The following ABCC11 variants were observed in gnomAD, a reference collection of about 807,000 sequenced individuals.
The protein encoded by ABCC11 is ATP binding cassette subfamily C member 11, also known as ATP-binding cassette sub-family C member 11.
ABCC11 carries 135 observed loss-of-function variants against 149.3 expected under a neutral mutation model. The observed-to-expected ratio is 0.90, with a 90% CI of 0.79 to 1.04. The LOEUF (loss-of-function observed/expected upper bound fraction) is 1.04, where lower values mean the gene tolerates loss of function less well. Among genes scored for constraint, ABCC11 ranks in the 50% least tolerant of loss-of-function variants. The pLI, the probability that ABCC11 is intolerant of heterozygous loss-of-function variation, is 0.00. For missense variants in ABCC11, 1,680 were observed against 1,722.1 expected (o/e 0.98, Z 0.43); for synonymous variants, 665 against 671.4 (o/e 0.99, Z 0.15).
chr16:48,175,817 CG>C lies in ABCC11; in HGVS notation c.3539-401del, dbSNP rs553100734. On this transcript the variant is annotated intron_variant, in intron 25 of 29. Transcript: ENST00000356608. The stretch of plus-strand genomic sequence containing the variant: ...CCCATATCCCCCCCAGGCAACAGCT[CG>C]GCTGGAGCTGAGCGCAGCCACTTGG... Among the ~76,000 whole-genome samples, 20 of 151,392 alleles carry C rather than the reference CG, an allele frequency of 1.3e-4. 1 individual carries two copies. In the South Asian group the frequency reaches 3.6e-3, roughly 27 times the overall value.
At chr16:48,192,219 G>A (rs1360198985) in intron 20 of ABCC11, among the ~76,000 whole-genome samples, 1 of 152,108 alleles carries the variant, frequency 6.6e-6, no homozygotes, top group Non-Finnish European at 1.5e-5. Context: ...CGAGGTGGAT[G>A]GATCACTGGA....
In ABCC11 at chr16:48,167,176, A is replaced by C; in HGVS notation, c.*98T>G. ...ACCCCTGCTTCCAGGAGAAGTTCTC[A>C]TCTCCAAACAAGAAGGTCGCAGACT... On this transcript the variant is annotated 3_prime_UTR_variant, in exon 30 of 30. Transcript: ENST00000356608. The C allele has an allele frequency of 2.1e-4, 106 of 510,332 alleles. No homozygotes were observed. Among genetic ancestry groups the C allele is most frequent in the East Asian group, 3.8e-4 (9 of 23,990 alleles). 31.6% of individuals were successfully genotyped at this position (510,332 alleles called of 1,614,324 possible). A position where few individuals can be genotyped will look rare whatever the true frequency, so the allele number is the denominator to read the frequency against.
intron 1 of ABCC11, chr16:48,244,134 C>G (rs549566544): frequency 1.2e-5 from 5 of 419,474 alleles, no homozygotes; most frequent in Non-Finnish European, 2.1e-5. Context: ...TCCAAATATA[C>G]TCTGTAAGTG....
In ABCC11 at chr16:48,229,620, G is replaced by A. The variant is rs1377207413; in HGVS notation, c.236+817C>T. Among the ~76,000 whole-genome samples the A allele has an allele frequency of 6.2e-4, 93 of 148,982 alleles. 2 individuals carry two copies. The highest frequency in any genetic ancestry group is 6.1e-3 in the Admixed American group (92 of 15,044). The stretch of plus-strand genomic sequence containing the variant: ...GCTGGGACTACAGGCGCCTGCCACC[G>A]CACCCGGCTAATTTTTTGTATTTTT... On this transcript the variant is annotated intron_variant, in intron 3 of 29. Coordinates refer to ENST00000356608, the MANE Select transcript of ABCC11 (RefSeq NM_001370497.1).
Position 48,186,810 on chromosome 16 carries a change from G to A in ABCC11, c.3071+143C>T, listed in dbSNP as rs141789603. 2,135 of 1,039,624 alleles carry A rather than the reference G, an allele frequency of 2.1e-3. 6 individuals are homozygous for A. Among genetic ancestry groups the A allele is most frequent in the Admixed American group, 4.9e-3 (182 of 37,216 alleles). 64.4% of individuals were successfully genotyped at this position (1,039,624 alleles called of 1,614,324 possible). On this transcript the variant is annotated intron_variant, in intron 22 of 29. Coordinates refer to ENST00000356608, the MANE Select transcript of ABCC11 (RefSeq NM_001370497.1). ...ATGAAAGAATGGTTCAGCAGGTTCTGGAGGCTCAGAGAAATACGTCCATCG... is the reference window on the plus strand; with the variant it reads ...ATGAAAGAATGGTTCAGCAGGTTCTAGAGGCTCAGAGAAATACGTCCATCG...
At chr16:48,227,243 G>C (rs2150908434) in intron 4 of ABCC11, among the ~76,000 whole-genome samples, 1 of 152,276 alleles carries the variant, frequency 6.6e-6, no homozygotes, top group South Asian at 2.1e-4. Flanking sequence ...GGAGGCCAAG[G>C]CAGGTGGATC....
Position 48,186,947 on chromosome 16 carries a change from A to T in ABCC11, c.3071+6T>A, listed in dbSNP as rs753061671. On this transcript the variant is annotated splice_donor_region_variant and intron_variant, in intron 22 of 29. Transcript: ENST00000356608. ...ATCATTCTCAAATGGCAGCAGAAGG[A>T]CTCACTGGCTGATGAAGTCTTCAGT... 8.1e-6 allele frequency: 13 copies of T among 1,613,876 alleles called. No individual in the cohort carries two copies. The highest frequency in any genetic ancestry group is 1.0e-5 in the Non-Finnish European group (12 of 1,179,998).
chr16:48,167,292 G>T lies in ABCC11; in HGVS notation c.4131C>A (p.Ala1377=). ...CATCTCCTTATCTCAGTGAAGAAGTGGCTGTGGCCATGAGGGCTGCGAACA... is the reference window on the plus strand; with the variant it reads ...CATCTCCTTATCTCAGTGAAGAAGTTGCTGTGGCCATGAGGGCTGCGAACA... The part of the protein sequence containing the change: ...GSLFAALMAT[A]TSSLR The change falls in exon 30 of 30, where the codon GCC becomes GCA. Residue 1377 remains alanine (A), a synonymous_variant. Coordinates refer to ENST00000356608, the MANE Select transcript of ABCC11 (RefSeq NM_001370497.1). 1 of 829,920 alleles carries T rather than the reference G, an allele frequency of 1.2e-6. No homozygotes were observed. The highest frequency in any genetic ancestry group is 2.2e-6 in the Non-Finnish European group (1 of 462,916). 51.4% of individuals were successfully genotyped at this position (829,920 alleles called of 1,614,324 possible).
At chr16:48,233,510 A>T (rs536601158) in intron 1 of ABCC11, among the ~76,000 whole-genome samples, 1 of 152,326 alleles carries the variant, frequency 6.6e-6, no homozygotes, top group South Asian at 2.1e-4. Flanking sequence ...GTATTAGATA[A>T]GAGAGAGTGA....
chr16:48,166,485 C>T lies in ABCC11; in HGVS notation c.*789G>A, dbSNP rs1035452819. Reference sequence around the variant, plus strand: ...ACCCAACCTTGAACTTTTTCTGTATCTTTCTGTTACAAGACCAACAAACTC... The same window carrying T: ...ACCCAACCTTGAACTTTTTCTGTATTTTTCTGTTACAAGACCAACAAACTC... On this transcript the variant is annotated 3_prime_UTR_variant, in exon 30 of 30. Transcript: ENST00000356608. Among the ~76,000 whole-genome samples, 1 of 152,184 alleles carries T rather than the reference C, an allele frequency of 6.6e-6. No homozygotes were observed. Among genetic ancestry groups the T allele is most frequent in the African/African-American group, 2.4e-5 (1 of 41,446 alleles).
At chr16:48,171,010 G>A in intron 26 of ABCC11, 43 bp from the exon 27 acceptor site, 3 of 1,492,786 alleles carry the variant, frequency 2.0e-6, no homozygotes, top group Non-Finnish European at 2.8e-6. Context: ...ACATCACCCA[G>A]GCTTTGAACA....
intron 23 of ABCC11, among the ~76,000 whole-genome samples, chr16:48,181,207 T>C (rs1374175805): frequency 6.6e-6 from 1 of 152,082 alleles, no homozygotes; most frequent in Non-Finnish European, 1.5e-5. Flanking sequence ...GTGTGGTGCC[T>C]CTCCCTGAGA....
At chr16:48,207,072 G>C (rs189751794) in intron 12 of ABCC11, among the ~76,000 whole-genome samples, 3 of 152,274 alleles carry the variant, frequency 2.0e-5, no homozygotes, top group East Asian at 3.9e-4. Flanking sequence ...GCATTCCAAG[G>C]AGGGGATGAG....
At chr16:48,176,508 C>G (rs193221385) in intron 25 of ABCC11, among the ~76,000 whole-genome samples, 20 of 152,184 alleles carry the variant, frequency 1.3e-4, no homozygotes, top group African/African-American at 4.8e-4. Context: ...CTGGATTTAA[C>G]TCCTAGCCTG....
At chr16:48,245,022 C>G (rs1257592311) in intron 1 of ABCC11, among the ~76,000 whole-genome samples, 1 of 152,158 alleles carries the variant, frequency 6.6e-6, no homozygotes, top group Admixed American at 6.5e-5. Context: ...TCCCCACTGC[C>G]CTTTACTCCT....
intron 23 of ABCC11, 62 bp from the exon 24 acceptor site, chr16:48,178,748 C>A: frequency 7.0e-7 from 1 of 1,419,602 alleles, no homozygotes. Flanking sequence ...GGCTCTTCAA[C>A]GCTCCTGATA....
At chr16:48,218,594 G>A (rs747367704) in intron 6 of ABCC11, among the ~76,000 whole-genome samples, 1 of 152,166 alleles carries the variant, frequency 6.6e-6, no homozygotes, top group Non-Finnish European at 1.5e-5. Flanking sequence ...GTTTGGCTGG[G>A]TTCCCACCCA....
intron 14 of ABCC11, among the ~76,000 whole-genome samples, chr16:48,202,712 C>T (rs1337835035): frequency 6.6e-6 from 1 of 152,036 alleles, no homozygotes; most frequent in Non-Finnish European, 1.5e-5. Flanking sequence ...ATTCAAGTCA[C>T]TAGAATAGCA....
intron 23 of ABCC11, among the ~76,000 whole-genome samples, chr16:48,184,058 C>G (rs1966607726): frequency 1.3e-5 from 2 of 152,184 alleles, no homozygotes; most frequent in East Asian, 3.8e-4. Context: ...AGACAGCAGC[C>G]AGGAAGCCAA....
Sources: gnomAD v4.1 joint callset for allele counts (sites outside exome capture counted in the v4.1 genomes callset) on GRCh38, gnomAD v4.1.1 for gene constraint, MANE v1.5 for transcripts, NCBI Gene and HGNC (gene_info 2026-07-23, HGNC 2026-07-21) for gene names.